The following ARHGAP40 variants were observed in gnomAD, a reference collection of about 807,000 sequenced individuals.
ARHGAP40 encodes Rho GTPase activating protein 40.
Under a neutral mutation model 73.5 loss-of-function variants are expected in ARHGAP40, and 43 were observed. The observed-to-expected ratio is 0.58, with a 90% CI of 0.46 to 0.75. The LOEUF is 0.75. Among genes scored for constraint, ARHGAP40 ranks in the 30% least tolerant of loss-of-function variants. The probability of loss-of-function intolerance (pLI) is 0.00; values close to 1 mark genes in which losing one functional copy is unlikely to be tolerated. For missense variants in ARHGAP40, 734 were observed against 861.8 expected (o/e 0.85, Z 1.86); for synonymous variants, 300 against 352.8 (o/e 0.85, Z 1.68).
At chr20:38,626,852 G>A (rs1452808681) in intron 2 of ARHGAP40, 143 bp from the exon 3 acceptor site, 1 of 518,472 alleles carries the variant, frequency 1.9e-6, no homozygotes, top group Admixed American at 3.5e-5. Flanking sequence ...GGAGAGTCTG[G>A]TTGGTGTTAA....
chr20:38,633,222 C>T (rs2088952385), intron 5 of ARHGAP40, among the ~76,000 whole-genome samples: 1 of 152,068 alleles, frequency 6.6e-6, no homozygotes, highest in Admixed American at 6.6e-5. Flanking sequence ...TTCAAGGTTA[C>T]AGTGAGCTGT....
chr20:38,628,980 C>CGGG (rs1040063460), exon 4 of ARHGAP40: 1 of 1,304,828 alleles, frequency 7.7e-7, no homozygotes, highest in African/African-American at 1.5e-5. Flanking sequence ...AGCTCAGTTC[C>CGGG]GGGGCCTCTA....
At chr20:38,626,135 T>TG (rs957164478) in intron 2 of ARHGAP40, among the ~76,000 whole-genome samples, 1 of 152,158 alleles carries the variant, frequency 6.6e-6, no homozygotes, top group African/African-American at 2.4e-5. Context: ...GGGAAAGTGT[T>TG]GGGGGAAGAC....
chr20:38,633,549 A>G (rs1311790494), intron 5 of ARHGAP40, among the ~76,000 whole-genome samples: 2 of 152,196 alleles, frequency 1.3e-5, no homozygotes, highest in African/African-American at 4.8e-5. Flanking sequence ...CACACAGGTA[A>G]AATTATTTGC....
intron 5 of ARHGAP40, among the ~76,000 whole-genome samples, chr20:38,629,988 G>C (rs1244858305): frequency 1.3e-5 from 2 of 151,886 alleles, no homozygotes; most frequent in Non-Finnish European, 2.9e-5. Context: ...GTGACAGAGA[G>C]AGACCCAATA....
intron 3 of ARHGAP40, among the ~76,000 whole-genome samples, chr20:38,628,229 A>C (rs188712803): frequency 1.5e-3 from 235 of 152,228 alleles, no homozygotes; most frequent in Non-Finnish European, 2.0e-3. Flanking sequence ...CACTGTGGGC[A>C]TGTCTTATGG....
intron 1 of ARHGAP40, among the ~76,000 whole-genome samples, chr20:38,620,818 T>C (rs1311779415): frequency 6.6e-6 from 1 of 152,232 alleles, no homozygotes; most frequent in Non-Finnish European, 1.5e-5. Context: ...ATTTTGAGTC[T>C]GTTTCAGGAT....
chr20:38,611,215 G>A (rs1414594478), intron 1 of ARHGAP40, among the ~76,000 whole-genome samples: 1 of 151,932 alleles, frequency 6.6e-6, no homozygotes, highest in Admixed American at 6.6e-5. Context: ...CATTAATGCT[G>A]GTCAGATGCT....
chr20:38,625,989 T>C (rs570006353), intron 2 of ARHGAP40, among the ~76,000 whole-genome samples: 7 of 152,306 alleles, frequency 4.6e-5, no homozygotes, highest in African/African-American at 1.7e-4. Flanking sequence ...CAGTGGCTCA[T>C]TGAAAGGATC....
intron 1 of ARHGAP40, among the ~76,000 whole-genome samples, 158 bp from the exon 2 acceptor site, chr20:38,623,201 C>T: frequency 6.6e-6 from 1 of 152,166 alleles, no homozygotes; most frequent in East Asian, 1.9e-4. Context: ...TGATGGGTCA[C>T]CAGTCAATTT....
At chr20:38,601,942 C>T in exon 1 of ARHGAP40, 1 of 1,287,856 alleles carries the variant, frequency 7.8e-7, no homozygotes, top group Non-Finnish European at 1.0e-6. Flanking sequence ...GGTGCCAGCC[C>T]ATGGCCGAGC....
chr20:38,610,883 C>CTTTTTTTT (rs60110231), intron 1 of ARHGAP40, among the ~76,000 whole-genome samples: 3 of 139,052 alleles, frequency 2.2e-5, no homozygotes, highest in African/African-American at 2.7e-5. Flanking sequence ...GATGTCTTTT[C>CTTTTTTTT]TTTTTTTTTT....
At position 38,626,987 on chromosome 20, in the gene ARHGAP40, G is replaced by T. The variant is rs1245623268; in HGVS notation, c.338-8G>T. 7.7e-7 allele frequency: 1 copy of T among 1,303,116 alleles called. No homozygotes were observed. The highest frequency in any genetic ancestry group is 1.0e-6 in the Non-Finnish European group (1 of 988,450). 80.7% of individuals were successfully genotyped at this position (1,303,116 alleles called of 1,614,324 possible). A position where few individuals can be genotyped will look rare whatever the true frequency, so the allele number is the denominator to read the frequency against. On this transcript the variant is annotated splice_polypyrimidine_tract_variant and splice_region_variant and intron_variant, in intron 2 of 14. Transcript: ENST00000373345. Reference sequence around the variant, plus strand: ...GTGTGTTCATCTGGGTTCTACTTCTGTTGGCAGAAGGGGAAGCTGAATCCC... The same window carrying T: ...GTGTGTTCATCTGGGTTCTACTTCTTTTGGCAGAAGGGGAAGCTGAATCCC...
rs922261852 is a variant in ARHGAP40, at chr20:38,636,264, A to T, written c.950-1444A>T. On this transcript the variant is annotated intron_variant, in intron 6 of 14. Coordinates refer to ENST00000373345, the Ensembl canonical transcript of ARHGAP40. ...TTGAAAACATGATTTTTATTTATTTATTTTTTTTTTTTTTTGAGAGAAAGT... is the reference window on the plus strand; with the variant it reads ...TTGAAAACATGATTTTTATTTATTTTTTTTTTTTTTTTTTTGAGAGAAAGT... 2.6e-3 allele frequency among the ~76,000 whole-genome samples: 372 copies of T among 145,266 alleles called. 4 individuals carry two copies. Among genetic ancestry groups the T allele is most frequent in the East Asian group, 0.013 (64 of 4,940 alleles).
chr20:38,649,125 C>T (rs916017832), intron 14 of ARHGAP40, among the ~76,000 whole-genome samples: 5 of 152,164 alleles, frequency 3.3e-5, no homozygotes, highest in Admixed American at 6.5e-5. Context: ...AAGGATGGGC[C>T]GCTGTTTCCC....
Position 38,623,472 on chromosome 20 carries a change from GC to G in ARHGAP40, c.252del (p.Trp86GlyfsTer13). The G allele has an allele frequency of 7.7e-7, 1 of 1,290,940 alleles. No individual in the cohort carries two copies. The highest frequency in any genetic ancestry group is 1.0e-6 in the Non-Finnish European group (1 of 988,850). The allele number at this position is 1,290,940 out of a possible 1,614,324, so 80.0% of individuals were successfully genotyped here. The stretch of plus-strand genomic sequence containing the variant: ...GGAGTGGAGAGCTCCAGCATGGATG[GC>G]TTTTGGATGGAGGTGGAACAGATCC... On this transcript the variant is annotated frameshift_variant, in exon 2 of 15. Transcript: ENST00000373345. LOFTEE classifies it high-confidence loss of function.
intron 3 of ARHGAP40, among the ~76,000 whole-genome samples, chr20:38,627,731 C>T (rs1212920965): frequency 6.6e-6 from 1 of 150,454 alleles, no homozygotes; most frequent in Non-Finnish European, 1.5e-5. Flanking sequence ...GGCTTGCACA[C>T]GTATGTCTCC....
intron 1 of ARHGAP40, among the ~76,000 whole-genome samples, chr20:38,609,861 C>T (rs759387424): frequency 2.6e-5 from 4 of 152,222 alleles, no homozygotes; most frequent in Non-Finnish European, 5.9e-5. Context: ...GCCCTGAGCC[C>T]GGCTGCAACC....
intron 1 of ARHGAP40, among the ~76,000 whole-genome samples, chr20:38,606,766 C>T (rs925367454): frequency 6.6e-6 from 1 of 152,206 alleles, no homozygotes; most frequent in East Asian, 1.9e-4. Context: ...TCATATTTTG[C>T]TCATGTGTAG....
Sources: gnomAD v4.1 joint callset for allele counts (sites outside exome capture counted in the v4.1 genomes callset) on GRCh38, gnomAD v4.1.1 for gene constraint, MANE v1.5 for transcripts, NCBI Gene and HGNC (gene_info 2026-07-23, HGNC 2026-07-21) for gene names.